DCHS1: variants seen among roughly 807,000 people sequenced by gnomAD.
The protein encoded by DCHS1 is dachsous cadherin-related 1, also known as protocadherin-16.
A neutral mutation model predicts 213.9 loss-of-function variants in DCHS1; 78 were observed. The ratio of observed to expected loss-of-function variants is 0.36; its 90% CI spans 0.30 to 0.44. The LOEUF (loss-of-function observed/expected upper bound fraction) is 0.44, where lower values mean the gene tolerates loss of function less well. DCHS1 is among the 20% of genes least tolerant of loss of function. The probability of loss-of-function intolerance (pLI) is 1.00; values close to 1 mark genes in which losing one functional copy is unlikely to be tolerated. For synonymous variants in DCHS1, 1,828 were observed against 1,873.7 expected (o/e 0.98, Z 0.63); for missense variants, 3,946 against 4,395.9 (o/e 0.90, Z 2.89).
chr11:6,626,444 G>T lies in DCHS1; in HGVS notation c.6365-64C>A. On this transcript the variant is annotated intron_variant, in intron 15 of 20. Coordinates refer to ENST00000299441, the MANE Select transcript of DCHS1 (RefSeq NM_003737.4). This position sits in a 1 kb window ranked among gnomAD's most constrained non-coding sequence, Gnocchi z 5.2. ...CTTGCCCTGGAGCCTCCTTCTCTAAGACCCCTTACTCAAGGACAGCCCTTC... is the reference window on the plus strand; with the variant it reads ...CTTGCCCTGGAGCCTCCTTCTCTAATACCCCTTACTCAAGGACAGCCCTTC... 6.2e-7 allele frequency: 1 copy of T among 1,604,794 alleles called. No individual in the cohort carries two copies. Among genetic ancestry groups the T allele is most frequent in the Non-Finnish European group, 8.5e-7 (1 of 1,173,922 alleles).
chr11:6,642,571 A>T (rs550583655), intron 1 of DCHS1, among the ~76,000 whole-genome samples: 21 of 141,394 alleles, frequency 1.5e-4, no homozygotes, highest in Non-Finnish European at 2.6e-4. Flanking sequence ...AGAAGAGTGA[A>T]CAGTATGTGG....
rs1855843901 is a variant in DCHS1 at position 6,628,302 on chromosome 11, C to T, written c.5371+319G>A. 6.6e-6 allele frequency among the ~76,000 whole-genome samples: 1 copy of T among 152,002 alleles called. No individual in the cohort carries two copies. Among genetic ancestry groups the T allele is most frequent in the South Asian group, 2.1e-4 (1 of 4,822 alleles). On this transcript the variant is annotated intron_variant, in intron 13 of 20. Coordinates refer to ENST00000299441, the MANE Select transcript of DCHS1 (RefSeq NM_003737.4). The surrounding 1 kb of genome is among the most constrained non-coding windows in gnomAD (Gnocchi z 4.3). ...TAATACAGTAAATACTGATATAATC[C>T]ACATAAAAACTCCTTAGGGTTCTCA...
In DCHS1 at chr11:6,627,186, G is replaced by A. The variant is rs370161556; in HGVS notation, c.5853C>T (p.Arg1951=). 40 of 1,612,770 alleles carry A rather than the reference G, an allele frequency of 2.5e-5. No homozygotes were observed. Among genetic ancestry groups the A allele is most frequent in the South Asian group, 5.5e-5 (5 of 91,078 alleles). ...AGGTGGGTGCATGGTCATTGACATCGCGCACCGTGATGGTGACAGACACTG... is the reference window on the plus strand; with the variant it reads ...AGGTGGGTGCATGGTCATTGACATCACGCACCGTGATGGTGACAGACACTG... ...STTVSVTITV[R]DVNDHAPTFP... The change falls in exon 14 of 21, where the codon CGC becomes CGT. Residue 1951 remains arginine, a synonymous_variant. Coordinates refer to ENST00000299441, the MANE Select transcript of DCHS1 (RefSeq NM_003737.4). The surrounding 1 kb of genome is among the most constrained non-coding windows in gnomAD (Gnocchi z 5.4).
chr11:6,631,625 G>A lies in DCHS1; in HGVS notation c.3666C>T (p.Leu1222=). ...LQASGAAGGG[L]PIQVPDRVPP... is the part of the protein sequence containing the mutation. ...CTGCCACTTCACATACCTGTATAGG[G>A]AGGCCCCCACCAGCAGCTCCTGAAG... is the stretch of plus-strand genomic sequence containing the variant. The change falls in exon 7 of 21, where the codon CTC becomes CTT. Residue 1222 remains leucine, a synonymous_variant. Transcript: ENST00000299441. 1 of 1,577,048 alleles carries A rather than the reference G, an allele frequency of 6.3e-7. No homozygotes were observed. Among genetic ancestry groups the A allele is most frequent in the Non-Finnish European group, 8.6e-7 (1 of 1,162,262 alleles).
chr11:6,628,971 G>T lies in DCHS1; in HGVS notation c.5162-141C>A. ...CTCCATACCTCTCAGGCACACATGT[G>T]TCATGCATACATAAACATACATGTG... On this transcript the variant is annotated intron_variant, in intron 12 of 20. Transcript: ENST00000299441. The surrounding 1 kb of genome is among the most constrained non-coding windows in gnomAD (Gnocchi z 4.3). 2 of 852,456 alleles carry T rather than the reference G, an allele frequency of 2.3e-6. No homozygotes were observed. The highest frequency in any genetic ancestry group is 3.8e-6 in the Non-Finnish European group (2 of 530,550). The allele number at this position is 852,456 out of a possible 1,614,324, so 52.8% of individuals were successfully genotyped here.
Position 6,623,918 on chromosome 11 carries a change from C to T in DCHS1, c.7758G>A (p.Val2586=). The T allele has an allele frequency of 6.2e-7, 1 of 1,607,966 alleles. No individual in the cohort carries two copies. The highest frequency in any genetic ancestry group is 2.2e-5 in the East Asian group (1 of 44,726). The change falls in exon 21 of 21, where the codon GTG becomes GTA. Residue 2586 remains valine, a synonymous_variant. Coordinates refer to ENST00000299441, the MANE Select transcript of DCHS1 (RefSeq NM_003737.4). The part of the protein sequence containing the change: ...DRGQPPQSSV[V]PVTVTVLDVN... ...CATCTAGTACAGTGACAGTGACTGG[C>T]ACGACTGAGCTTTGGGGTGGCTGCC...
At chr11:6,643,345 C>T (rs998212745) in intron 1 of DCHS1, among the ~76,000 whole-genome samples, 1 of 152,182 alleles carries the variant, frequency 6.6e-6, no homozygotes, top group Non-Finnish European at 1.5e-5. Context: ...CACTCTCCTC[C>T]CTCTACGCAG....
Position 6,623,948 on chromosome 11 carries a change from G to A in DCHS1, c.7728C>T (p.Asp2576=), listed in dbSNP as rs1268505112. ...CTGAGCTTTGGGGTGGCTGCCCACGGTCAGCTGCAGCCACTGTTAGATTGT... is the reference window on the plus strand; with the variant it reads ...CTGAGCTTTGGGGTGGCTGCCCACGATCAGCTGCAGCCACTGTTAGATTGT... ...TQYNLTVAAA[D]RGQPPQSSVV... is the part of the protein sequence containing the mutation. Residue 2576 remains aspartate (D), a synonymous_variant, in exon 21 of 21, where the codon GAC becomes GAT. Transcript: ENST00000299441. The A allele has an allele frequency of 6.2e-7, 1 of 1,606,704 alleles. No homozygotes were observed. The highest frequency in any genetic ancestry group is 2.2e-5 in the East Asian group (1 of 44,710).
chr11:6,640,008 G>A lies in DCHS1; in HGVS notation c.1606C>T (p.Leu536=). 6.2e-7 allele frequency: 1 copy of A among 1,613,974 alleles called. No individual in the cohort carries two copies. Among genetic ancestry groups the A allele is most frequent in the Non-Finnish European group, 8.5e-7 (1 of 1,179,822 alleles). Residue 536 remains leucine, a synonymous_variant, in exon 2 of 21, where the codon CTG becomes TTG. Coordinates refer to ENST00000299441, the MANE Select transcript of DCHS1 (RefSeq NM_003737.4). This position sits in a 1 kb window ranked among gnomAD's most constrained non-coding sequence, Gnocchi z 6.5. The part of the protein sequence containing the change: ...TSGIITTAAS[L]DYELEPQPQL... Reference sequence around the variant, plus strand: ...GGCTGAGGTTCCAACTCATAGTCCAGTGAGGCAGCCGTAGTGATAATGCCT... The same window carrying A: ...GGCTGAGGTTCCAACTCATAGTCCAATGAGGCAGCCGTAGTGATAATGCCT...
rs755715893 is a variant in DCHS1 at position 6,623,687 on chromosome 11, A to G, written c.7989T>C (p.His2663=). 2 of 1,613,702 alleles carry G rather than the reference A, an allele frequency of 1.2e-6. No homozygotes were observed. The highest frequency in any genetic ancestry group is 2.2e-5 in the East Asian group (1 of 44,896). Residue 2663 remains histidine (H), a synonymous_variant, in exon 21 of 21, where the codon CAT becomes CAC. Coordinates refer to ENST00000299441, the MANE Select transcript of DCHS1 (RefSeq NM_003737.4). ...DESSGTLRLA[H]ALDCETQARH... ...GAGCCTGGGTCTCACAGTCCAGGGC[A>G]TGGGCCAGTCGCAAGGTGCCTGAGC...
Position 6,628,944 on chromosome 11 carries a change from C to T in DCHS1, c.5162-114G>A. The T allele has an allele frequency of 4.8e-6, 5 of 1,050,650 alleles. No homozygotes were observed. Among genetic ancestry groups the T allele is most frequent in the Non-Finnish European group, 7.1e-6 (5 of 701,470 alleles). The allele number at this position is 1,050,650 out of a possible 1,614,324, so 65.1% of individuals were successfully genotyped here. On this transcript the variant is annotated intron_variant, in intron 12 of 20. Coordinates refer to ENST00000299441, the MANE Select transcript of DCHS1 (RefSeq NM_003737.4). This position sits in a 1 kb window ranked among gnomAD's most constrained non-coding sequence, Gnocchi z 4.3. ...TGCACACAAACCAGAAAATGTCCAT[C>T]TCTCCATACCTCTCAGGCACACATG...
rs191332618 is a variant in DCHS1 at position 6,640,257 on chromosome 11, G to A, written c.1357C>T (p.Arg453Trp). The part of the protein sequence containing the change: ...TATDSGSPPL[R>W]AEAAFVLHVT... ...TGCAGCACAAAGGCAGCCTCAGCCC[G>A]CAGTGGAGGTGAGCCTGAGTCTGTG... is the stretch of plus-strand genomic sequence containing the variant. Residue 453 changes from arginine to tryptophan, a missense_variant, in exon 2 of 21, where the codon CGG becomes TGG. By Grantham distance (101) the Arg-to-Trp change is moderately radical. This residue lies in a region of DCHS1 where 3,384 missense variants were observed against 3,780.1 expected (regional missense o/e 0.90). Coordinates refer to ENST00000299441, the MANE Select transcript of DCHS1 (RefSeq NM_003737.4). The surrounding 1 kb of genome is among the most constrained non-coding windows in gnomAD (Gnocchi z 6.5). The A allele has an allele frequency of 1.1e-5, 18 of 1,610,240 alleles. No homozygotes were observed. The highest frequency in any genetic ancestry group is 1.7e-4 in the Middle Eastern group (1 of 6,058).
At position 6,627,634 on chromosome 11, in the gene DCHS1, A is replaced by G. The variant is rs765314700; in HGVS notation, c.5405T>C (p.Leu1802Pro). The change falls in exon 14 of 21, where the codon CTT becomes CCT. Residue 1802 changes from leucine (L) to proline (P), a missense_variant. Leu to Pro is a moderately conservative substitution (Grantham distance 98). Around this residue, in one of 3 missense-constraint regions of DCHS1, gnomAD observed 3,384 missense variants for 3,780.1 expected, o/e 0.90. Transcript: ENST00000299441. The surrounding 1 kb of genome is among the most constrained non-coding windows in gnomAD (Gnocchi z 5.4). Reference protein sequence around the residue: ...GDPSGAFVLDLASGEFGTMRP... With the variant: ...GDPSGAFVLDPASGEFGTMRP... ...CATGGTGCCAAACTCTCCAGAAGCA[A>G]GGTCTAGGACAAAGGCTCCTGATGG... The G allele has an allele frequency of 1.2e-6, 2 of 1,613,348 alleles. No homozygotes were observed. Among genetic ancestry groups the G allele is most frequent in the Non-Finnish European group, 1.7e-6 (2 of 1,179,856 alleles).
At chr11:6,635,611 C>A (rs1855975500) in intron 2 of DCHS1, among the ~76,000 whole-genome samples, 1 of 152,198 alleles carries the variant, frequency 6.6e-6, no homozygotes, top group South Asian at 2.1e-4. Context: ...CTGAGAGACA[C>A]CAAGACCCTG....
At position 6,629,902 on chromosome 11, in the gene DCHS1, G is replaced by A. The variant is rs1855872335; in HGVS notation, c.4805C>T (p.Ser1602Phe). Residue 1602 changes from serine (S) to phenylalanine (F), a missense_variant, in exon 11 of 21, where the codon TCC (serine) becomes TTC (phenylalanine). Ser to Phe is a radical substitution (Grantham distance 155). Transcript: ENST00000299441. ...FRLHSSTGAL[S>F]VVRPLDREQR... is the part of the protein sequence containing the mutation. ...TTCGCGGTCCAACGGCCGCACCACGGACAGCGCTCCTAGGTGAGCGGTAAG... is the reference window on the plus strand; with the variant it reads ...TTCGCGGTCCAACGGCCGCACCACGAACAGCGCTCCTAGGTGAGCGGTAAG... 6.2e-7 allele frequency: 1 copy of A among 1,612,364 alleles called. No individual in the cohort carries two copies. Among genetic ancestry groups the A allele is most frequent in the African/African-American group, 1.3e-5 (1 of 75,062 alleles).
rs774178620 is a variant in DCHS1 at position 6,625,770 on chromosome 11, G to C, written c.6732-43C>G. ...TCATCGGGTGGGACATGGCAATAAG[G>C]GGGAACTCTGGGCAGGGCCAGGAGG... On this transcript the variant is annotated intron_variant, in intron 17 of 20. Transcript: ENST00000299441. This position sits in a 1 kb window ranked among gnomAD's most constrained non-coding sequence, Gnocchi z 5.3. The C allele has an allele frequency of 1.3e-6, 2 of 1,591,176 alleles. No individual in the cohort carries two copies. The highest frequency in any genetic ancestry group is 2.3e-5 in the South Asian group (2 of 88,356).
chr11:6,627,496 G>A lies in DCHS1; in HGVS notation c.5543C>T (p.Ala1848Val), dbSNP rs145373149. Reference sequence around the variant, plus strand: ...AGGAAAGGCTGGAGCATGGTCATTGGCATCCAGCACTGTCACTGTCAAAAG... The same window carrying A: ...AGGAAAGGCTGGAGCATGGTCATTGACATCCAGCACTGTCACTGTCAAAAG... ...TLLLTVTVLD[A>V]NDHAPAFPVP... The change falls in exon 14 of 21, where the codon GCC becomes GTC. Residue 1848 changes from alanine to valine, a missense_variant. Ala to Val is a moderately conservative substitution (Grantham distance 64, BLOSUM62 0). Transcript: ENST00000299441. This position sits in a 1 kb window ranked among gnomAD's most constrained non-coding sequence, Gnocchi z 5.4. 6.2e-7 allele frequency: 1 copy of A among 1,611,714 alleles called. No homozygotes were observed. Among genetic ancestry groups the A allele is most frequent in the South Asian group, 1.1e-5 (1 of 90,738 alleles).
chr11:6,630,570 G>A lies in DCHS1; in HGVS notation c.4224C>T (p.Arg1408=), dbSNP rs746156484. The A allele has an allele frequency of 1.3e-6, 2 of 1,540,516 alleles. No homozygotes were observed. Among genetic ancestry groups the A allele is most frequent in the Non-Finnish European group, 1.7e-6 (2 of 1,150,638 alleles). The change falls in exon 10 of 21, where the codon CGC becomes CGT. Residue 1408 remains arginine (R), a synonymous_variant. Coordinates refer to ENST00000299441, the MANE Select transcript of DCHS1 (RefSeq NM_003737.4). ...CGCCCGCGCCTCCCGGCCCCTCAGC[G>A]CGTACCGTAAGCGCGCGCCACGGCG... is the stretch of plus-strand genomic sequence containing the variant. ...AGPPWRALTV[R]AEGPGGAGAR...
rs375420742 is a variant in DCHS1, at chr11:6,627,430, G to T, written c.5609C>A (p.Ala1870Glu). 4.3e-6 allele frequency: 7 copies of T among 1,610,562 alleles called. No individual in the cohort carries two copies. Among genetic ancestry groups the T allele is most frequent in the Non-Finnish European group, 8.5e-7 (1 of 1,178,520 alleles). Residue 1870 changes from alanine (A) to glutamate (E), a missense_variant, in exon 14 of 21, where the codon GCA becomes GAA. Physicochemically the swap from Ala to Glu is moderately radical, Grantham distance 107. Around this residue, in one of 3 missense-constraint regions of DCHS1, gnomAD observed 3,384 missense variants for 3,780.1 expected, o/e 0.90. Coordinates refer to ENST00000299441, the MANE Select transcript of DCHS1 (RefSeq NM_003737.4). The surrounding 1 kb of genome is among the most constrained non-coding windows in gnomAD (Gnocchi z 5.4). ...YSVEVPEDVPAGTLLLQLQAH... is the reference protein window; with the variant it reads ...YSVEVPEDVPEGTLLLQLQAH... ...CTGTAGCTGCAGCAGCAGGGTCCCT[G>T]CAGGCACATCCTCCGGCACCTCCAC...
Sources: allele counts gnomAD v4.1 joint callset (sites outside exome capture counted in the v4.1 genomes callset), GRCh38; gene constraint gnomAD v4.1.1; regional missense constraint gnomAD v4.1.1; non-coding constraint Gnocchi (gnomAD v3.1); transcripts MANE v1.5; gene names NCBI Gene and HGNC (gene_info 2026-07-23, HGNC 2026-07-21).